Variants in KIF6 observed in about 807,000 individuals in gnomAD.
KIF6 encodes kinesin family member 6.
Under a neutral mutation model 112.7 loss-of-function variants are expected in KIF6, and 106 were observed. The ratio of observed to expected loss-of-function variants is 0.94; its 90% CI spans 0.80 to 1.11. KIF6 has a LOEUF of 1.11. KIF6 is among the 50% of genes least tolerant of loss of function. KIF6 has a pLI of 0.00. For synonymous variants in KIF6, 339 were observed against 339.9 expected (o/e 1.00, Z 0.03); for missense variants, 929 against 964.0 (o/e 0.96, Z 0.48).
Position 39,587,326 on chromosome 6 carries a change from G to A in KIF6, c.847-922C>T, listed in dbSNP as rs1050738685. Among the ~76,000 whole-genome samples the A allele has an allele frequency of 2.6e-5, 4 of 152,162 alleles. 1 individual carries two copies. The highest frequency in any genetic ancestry group is 5.9e-5 in the Non-Finnish European group (4 of 68,018). The stretch of plus-strand genomic sequence containing the variant: ...AATACCTCCGCCAATGCCTGTCATT[G>A]TTCTAGTCCTCCCTCCTTCCAGGTG... On this transcript the variant is annotated intron_variant, in intron 7 of 22. Coordinates refer to ENST00000287152, the MANE Select transcript of KIF6 (RefSeq NM_145027.6).
chr6:39,390,048 A>AAAAAAAAAAG (rs1258761315), intron 15 of KIF6, among the ~76,000 whole-genome samples: 19 of 137,308 alleles, frequency 1.4e-4, no homozygotes, highest in African/African-American at 4.9e-4. Flanking sequence ...AAAAAAAAAA[A>AAAAAAAAAAG]AAAAGGAAAT....
intron 9 of KIF6, among the ~76,000 whole-genome samples, chr6:39,582,223 GT>G (rs1192658262): frequency 6.6e-6 from 1 of 152,068 alleles, no homozygotes; most frequent in Admixed American, 6.5e-5. Flanking sequence ...ACTAAGCCAA[GT>G]TTTTTTGGTT....
intron 15 of KIF6, among the ~76,000 whole-genome samples, chr6:39,401,718 T>C (rs934448663): frequency 2.0e-5 from 3 of 151,930 alleles, no homozygotes; most frequent in African/African-American, 7.3e-5. Context: ...TGCTAGCAGG[T>C]GAAGTCATGC....
chr6:39,587,634 A>G (rs1781708343), intron 7 of KIF6, among the ~76,000 whole-genome samples: 1 of 151,830 alleles, frequency 6.6e-6, no homozygotes, highest in Admixed American at 6.6e-5. Flanking sequence ...TGATGGCCAC[A>G]CTTCTACTAG....
chr6:39,343,272 TACACTC>T lies in KIF6; in HGVS notation c.2428+431_2428+436del, dbSNP rs1233517155. 1 of 1,288,544 alleles carries T rather than the reference TACACTC, an allele frequency of 7.8e-7. No individual in the cohort carries two copies. The highest frequency in any genetic ancestry group is 1.0e-6 in the Non-Finnish European group (1 of 988,498). The allele number at this position is 1,288,544 out of a possible 1,614,324, so 79.8% of individuals were successfully genotyped here. On this transcript the variant is annotated intron_variant, in intron 22 of 22. Coordinates refer to ENST00000287152, the MANE Select transcript of KIF6 (RefSeq NM_145027.6). The surrounding 1 kb of genome is among the most constrained non-coding windows in gnomAD (Gnocchi z 4.1). ...CGGGCCTGGGCCTTCAAGCAGTGTTTACACTCACAGCTCTTTGGCAAGAACCACACT... is the reference window on the plus strand; with the variant it reads ...CGGGCCTGGGCCTTCAAGCAGTGTTTACAGCTCTTTGGCAAGAACCACACT...
chr6:39,517,827 C>T (rs544250355), intron 13 of KIF6, among the ~76,000 whole-genome samples: 2 of 152,258 alleles, frequency 1.3e-5, no homozygotes, highest in African/African-American at 4.8e-5. Flanking sequence ...GAGAGAACAA[C>T]AGACTGCCAA....
intron 15 of KIF6, among the ~76,000 whole-genome samples, chr6:39,389,110 G>A (rs1767657825): frequency 6.6e-6 from 1 of 152,214 alleles, no homozygotes; most frequent in Non-Finnish European, 1.5e-5. Context: ...AGCAGGGTAT[G>A]TGGAGGTGGT....
At chr6:39,433,420 C>A (rs193006828) in intron 13 of KIF6, among the ~76,000 whole-genome samples, 31 of 152,198 alleles carry the variant, frequency 2.0e-4, no homozygotes, top group African/African-American at 7.2e-4. Flanking sequence ...GCATCGCCAA[C>A]TTTCAAAGAC....
At chr6:39,682,313 T>C (rs943846128) in intron 3 of KIF6, among the ~76,000 whole-genome samples, 1 of 152,236 alleles carries the variant, frequency 6.6e-6, no homozygotes, top group African/African-American at 2.4e-5. Context: ...CCAGGCTATA[T>C]TGGCATAGAC....
chr6:39,574,950 A>G (rs954375582), intron 10 of KIF6, among the ~76,000 whole-genome samples: 1 of 152,224 alleles, frequency 6.6e-6, no homozygotes, highest in African/African-American at 2.4e-5. Context: ...CTTAATGACA[A>G]CAACTATATT....
At chr6:39,661,351 T>C (rs1177642948) in intron 3 of KIF6, among the ~76,000 whole-genome samples, 4 of 152,234 alleles carry the variant, frequency 2.6e-5, no homozygotes, top group African/African-American at 7.2e-5. Context: ...ATATGTTCTT[T>C]GTCAAAAACA....
chr6:39,557,681 G>A (rs1582130418), intron 10 of KIF6, among the ~76,000 whole-genome samples: 2 of 151,894 alleles, frequency 1.3e-5, no homozygotes, highest in South Asian at 2.1e-4. Context: ...TTTTTTGGAC[G>A]GAGGGGTCCA....
intron 22 of KIF6, among the ~76,000 whole-genome samples, chr6:39,341,767 T>C (rs1763337067): frequency 6.6e-6 from 1 of 152,110 alleles, no homozygotes; most frequent in Non-Finnish European, 1.5e-5. Context: ...TCTTCGCTGC[T>C]CAGATCAAAA....
intron 13 of KIF6, among the ~76,000 whole-genome samples, chr6:39,443,791 A>G (rs1772123601): frequency 6.6e-6 from 1 of 152,168 alleles, no homozygotes; most frequent in South Asian, 2.1e-4. Flanking sequence ...CATTCTAGCT[A>G]AGGAGCAAAA....
At chr6:39,575,330 G>A (rs1780886277) in intron 10 of KIF6, among the ~76,000 whole-genome samples, 1 of 151,832 alleles carries the variant, frequency 6.6e-6, no homozygotes, top group South Asian at 2.1e-4. Context: ...GAGTGCAGTG[G>A]CGCGATCTCG....
At chr6:39,403,231 A>G (rs1254758987) in intron 15 of KIF6, among the ~76,000 whole-genome samples, 1 of 152,064 alleles carries the variant, frequency 6.6e-6, no homozygotes, top group Non-Finnish European at 1.5e-5. Context: ...TGTGTGCATC[A>G]TGGGTTTGGA....
chr6:39,518,627 G>A (rs1777204354), intron 13 of KIF6, among the ~76,000 whole-genome samples: 1 of 152,188 alleles, frequency 6.6e-6, no homozygotes, highest in Admixed American at 6.5e-5. Flanking sequence ...GAAGAAAAAG[G>A]AAAAGATGTC....
chr6:39,404,248 C>T (rs1344255741), intron 15 of KIF6, among the ~76,000 whole-genome samples: 1 of 151,952 alleles, frequency 6.6e-6, no homozygotes, highest in East Asian at 1.9e-4. Context: ...GTTGCGAAAC[C>T]CCAGACATGA....
chr6:39,346,132 C>CCTCTCTCTCTCCCTCTCT (rs1763769865), intron 20 of KIF6, among the ~76,000 whole-genome samples: 8 of 26,936 alleles, frequency 3.0e-4, no homozygotes, highest in East Asian at 1.9e-3. Context: ...CCTCCCTCTC[C>CCTCTCTCTCTCCCTCTCT]CTCTCTCTCT....
Sources: gnomAD v4.1 joint callset for allele counts (sites outside exome capture counted in the v4.1 genomes callset) on GRCh38, gnomAD v4.1.1 for gene constraint, Gnocchi (gnomAD v3.1) non-coding constraint, MANE v1.5 for transcripts, NCBI Gene and HGNC (gene_info 2026-07-23, HGNC 2026-07-21) for gene names.